RBM48: variants seen among roughly 807,000 people sequenced by gnomAD.
RBM48 encodes the protein RNA binding motif protein 48.
A neutral mutation model predicts 34.8 loss-of-function variants in RBM48; 32 were observed. The ratio of observed to expected loss-of-function variants is 0.92; its 90% CI spans 0.69 to 1.23. The LOEUF (loss-of-function observed/expected upper bound fraction) is 1.23. RBM48 is among the 50% of genes most tolerant of loss of function. RBM48 has a pLI of 0.00. For missense variants in RBM48, 441 were observed against 447.2 expected (o/e 0.99, Z 0.12); for synonymous variants, 151 against 156.2 (o/e 0.97, Z 0.25).
chr7:92,531,955 A>G (rs1017638814), intron 2 of RBM48, among the ~76,000 whole-genome samples: 1 of 152,170 alleles, frequency 6.6e-6, no homozygotes, highest in East Asian at 1.9e-4. Context: ...TCTCATTGTT[A>G]TATATTTAAT....
At chr7:92,536,188 G>A (rs1381742692) in intron 4 of RBM48, 2 of 985,210 alleles carry the variant, frequency 2.0e-6, no homozygotes, top group African/African-American at 3.5e-5. Context: ...AGTTACAGCT[G>A]AACTGAGGCA....
chr7:92,534,471 ACTC>A lies in RBM48; in HGVS notation c.519_521del (p.His173_Ser174delinsGln). 1 of 1,614,056 alleles carries A rather than the reference ACTC, an allele frequency of 6.2e-7. No homozygotes were observed. Among genetic ancestry groups the A allele is most frequent in the Non-Finnish European group, 8.5e-7 (1 of 1,179,924 alleles). The stretch of plus-strand genomic sequence containing the variant: ...ACAGAGGATTTTAGACAAGACTTCC[ACTC>A]AGAGATGTCTGGATTTTGTAAAGCT... On this transcript the variant is annotated inframe_deletion, in exon 4 of 5. Transcript: ENST00000265732.
chr7:92,530,795 CAAAAA>C (rs577371763), intron 2 of RBM48, among the ~76,000 whole-genome samples: 4 of 128,538 alleles, frequency 3.1e-5, no homozygotes, highest in Non-Finnish European at 6.6e-5. Flanking sequence ...GAGACTGTCT[CAAAAA>C]AAAAAAAAGA....
intron 2 of RBM48, among the ~76,000 whole-genome samples, chr7:92,531,032 T>A (rs1793562944): frequency 6.6e-6 from 1 of 151,968 alleles, no homozygotes; most frequent in Non-Finnish European, 1.5e-5. Flanking sequence ...CAGTGAGTCT[T>A]ATGGGCCACT....
chr7:92,538,776 A>G lies in RBM48; in HGVS notation c.*1839A>G, dbSNP rs1021614929. Among the ~76,000 whole-genome samples, 5 of 152,106 alleles carry G rather than the reference A, an allele frequency of 3.3e-5. No homozygotes were observed. The highest frequency in any genetic ancestry group is 1.2e-4 in the African/African-American group (5 of 41,406). On this transcript the variant is annotated 3_prime_UTR_variant, in exon 5 of 5. Coordinates refer to ENST00000265732, the MANE Select transcript of RBM48 (RefSeq NM_032120.4). ...AGGGAAAATGAGGAGTTACGGTTTA[A>G]TGGGCATAGAATTTCAGTTTTGGAA...
At chr7:92,531,764 C>A (rs754921831) in intron 2 of RBM48, among the ~76,000 whole-genome samples, 2 of 152,210 alleles carry the variant, frequency 1.3e-5, no homozygotes, top group Non-Finnish European at 2.9e-5. Context: ...AGTTTCATTA[C>A]AGTGTTGTTT....
rs200453981 is a variant in RBM48, at chr7:92,533,986, AAAAC to A, written c.449-415_449-412del. 4.1e-3 allele frequency among the ~76,000 whole-genome samples: 616 copies of A among 151,946 alleles called. 23 individuals are homozygous for A. In the East Asian group the frequency reaches 0.084, roughly 21 times the overall value. ...AAATTGTAAAAAAAAAAAAAAAAAAAAAACCTTTCTATATAATGATGAAAAACCT... is the reference window on the plus strand; with the variant it reads ...AAATTGTAAAAAAAAAAAAAAAAAAACTTTCTATATAATGATGAAAAACCT... On this transcript the variant is annotated intron_variant, in intron 3 of 4. Transcript: ENST00000265732.
At chr7:92,536,255 T>A in intron 4 of RBM48, 1 of 983,404 alleles carries the variant, frequency 1.0e-6, no homozygotes, top group Non-Finnish European at 1.2e-6. Context: ...AAGATAAACG[T>A]GTGAAGTCCA....
intron 1 of RBM48, 81 bp from the exon 2 acceptor site, chr7:92,529,395 G>A: frequency 1.2e-6 from 1 of 825,480 alleles, no homozygotes; most frequent in Non-Finnish European, 1.9e-6. Context: ...TGTTTTCAAA[G>A]TTCTCTTTAA....
At chr7:92,531,302 T>C (rs1445913002) in intron 2 of RBM48, among the ~76,000 whole-genome samples, 1 of 152,182 alleles carries the variant, frequency 6.6e-6, no homozygotes, top group Non-Finnish European at 1.5e-5. Flanking sequence ...GCTATTGTGG[T>C]TTCTACTGTT....
At position 92,537,077 on chromosome 7, in the gene RBM48, T is replaced by C. The variant is rs1164239039; in HGVS notation, c.*140T>C. 1.3e-5 allele frequency: 8 copies of C among 633,190 alleles called. No individual in the cohort carries two copies. The Admixed American group carries it at 1.7e-4, about 14-fold the overall frequency. The allele number at this position is 633,190 out of a possible 1,614,324, so 39.2% of individuals were successfully genotyped here. Reference sequence around the variant, plus strand: ...TGTAATTTCATTCAAGCCATTTGTCTAAAGTCATTTCTTTGTTTTTTGGGA... The same window carrying C: ...TGTAATTTCATTCAAGCCATTTGTCCAAAGTCATTTCTTTGTTTTTTGGGA... On this transcript the variant is annotated 3_prime_UTR_variant, in exon 5 of 5. Transcript: ENST00000265732.
intron 2 of RBM48, among the ~76,000 whole-genome samples, chr7:92,530,541 C>T (rs1303437573): frequency 2.0e-5 from 3 of 151,902 alleles, no homozygotes; most frequent in African/African-American, 7.3e-5. Flanking sequence ...GTGGCTCACA[C>T]CTGTAATCCC....
chr7:92,529,793 C>A, intron 2 of RBM48, 127 bp downstream of exon 2: 1 of 591,166 alleles, frequency 1.7e-6, no homozygotes, highest in Non-Finnish European at 2.9e-6. Flanking sequence ...TATCTTCCTC[C>A]AGCCTTTTTA....
At chr7:92,529,773 T>C (rs1343961277) in intron 2 of RBM48, 107 bp downstream of exon 2, 42 of 629,070 alleles carry the variant, frequency 6.7e-5, no homozygotes, top group Admixed American at 1.5e-4. Flanking sequence ...CCCCAAAACG[T>C]AATCTAGCAT....
chr7:92,535,376 A>C (rs1475859940), intron 4 of RBM48: 1 of 1,069,542 alleles, frequency 9.3e-7, no homozygotes, highest in Admixed American at 5.1e-5. Flanking sequence ...TATCAAATTC[A>C]AAATGCTTAA....
At position 92,529,682 on chromosome 7, in the gene RBM48, A is replaced by AGAAATGAG; in HGVS notation, c.302+23_302+24insGGAAATGA. The stretch of plus-strand genomic sequence containing the variant: ...AAAGTGCAAGGTAATGTGCAAGTTA[A>AGAAATGAG]GAAATGACTCATTTCCTCATTTCTT... On this transcript the variant is annotated intron_variant, in intron 2 of 4. Coordinates refer to ENST00000265732, the MANE Select transcript of RBM48 (RefSeq NM_032120.4). The AGAAATGAG allele has an allele frequency of 6.9e-7, 1 of 1,446,608 alleles. No homozygotes were observed. Among genetic ancestry groups the AGAAATGAG allele is most frequent in the Non-Finnish European group, 9.5e-7 (1 of 1,057,378 alleles). The allele number at this position is 1,446,608 out of a possible 1,614,324, so 89.6% of individuals were successfully genotyped here.
chr7:92,535,737 A>G (rs1376835739), intron 4 of RBM48: 14 of 981,520 alleles, frequency 1.4e-5, no homozygotes, highest in Non-Finnish European at 1.7e-5. Flanking sequence ...AGGCTAAGGT[A>G]GTTTAATTTC....
chr7:92,528,841 A>G lies in RBM48; in HGVS notation c.28A>G (p.Ser10Gly), dbSNP rs1396931090. The change falls in exon 1 of 5, where the codon AGT becomes GGT. Residue 10 changes from serine to glycine, a missense_variant. Coordinates refer to ENST00000265732, the MANE Select transcript of RBM48 (RefSeq NM_032120.4). MASSGGELG[S>G]LFDHHVQRAV... ...GGCGTCGAGCGGCGGGGAGCTAGGG[A>G]GTTTATTTGATCACCACGTCCAGAG... 1 of 1,613,840 alleles carries G rather than the reference A, an allele frequency of 6.2e-7. No individual in the cohort carries two copies. The highest frequency in any genetic ancestry group is 8.5e-7 in the Non-Finnish European group (1 of 1,179,850).
In RBM48 at chr7:92,537,469, A is replaced by C. The variant is rs2116334477; in HGVS notation, c.*532A>C. The C allele has an allele frequency of 6.6e-6, 1 of 152,332 alleles. No individual in the cohort carries two copies. Among genetic ancestry groups the C allele is most frequent in the East Asian group, 1.9e-4 (1 of 5,188 alleles). The allele number at this position is 152,332 out of a possible 1,614,324, so 9.4% of individuals were successfully genotyped here. On this transcript the variant is annotated 3_prime_UTR_variant, in exon 5 of 5. Coordinates refer to ENST00000265732, the MANE Select transcript of RBM48 (RefSeq NM_032120.4). ...TAATTATATGTAAATTAATTGAAGC[A>C]AATATGGAAACTTTACAATAGAAAT...
Sources: gnomAD v4.1 joint callset for allele counts (sites outside exome capture counted in the v4.1 genomes callset) on GRCh38, gnomAD v4.1.1 for gene constraint, MANE v1.5 for transcripts, NCBI Gene and HGNC (gene_info 2026-07-23, HGNC 2026-07-21) for gene names.